USO1: variants seen among roughly 807,000 people sequenced by gnomAD.
The protein encoded by USO1 is USO1 vesicle transport factor.
USO1 carries 57 observed loss-of-function variants against 124.5 expected under a neutral mutation model. The ratio of observed to expected loss-of-function variants is 0.46; its 90% CI spans 0.37 to 0.57. USO1 has a LOEUF of 0.57. USO1 is among the 20% of genes least tolerant of loss of function. USO1 has a pLI of 0.00. For synonymous variants in USO1, 369 were observed against 362.8 expected (o/e 1.02, Z -0.19); for missense variants, 900 against 1,040.6 (o/e 0.86, Z 1.86).
In USO1 at chr4:75,813,212, G is replaced by A; in HGVS notation, c.2806G>A (p.Glu936Lys). 2 of 1,608,506 alleles carry A rather than the reference G, an allele frequency of 1.2e-6. No individual in the cohort carries two copies. Among genetic ancestry groups the A allele is most frequent in the Non-Finnish European group, 1.7e-6 (2 of 1,178,346 alleles). Residue 936 changes from glutamate to lysine, a missense_variant, in exon 24 of 24, where the codon GAA (glutamate) becomes AAA (lysine). Glu to Lys is a moderately conservative substitution (Grantham distance 56). Coordinates refer to ENST00000514213, the MANE Select transcript of USO1 (RefSeq NM_003715.4). ...KLKDLGHPVE[E>K]EDELESGDQE... ...ATACGTCTTTTTCCTCTAGGTTGAA[G>A]AAGAGGATGAACTTGAATCTGGAGA...
At chr4:75,753,780 A>ATTTTT (rs1180101340) in intron 3 of USO1, among the ~76,000 whole-genome samples, 6 of 125,706 alleles carry the variant, frequency 4.8e-5, no homozygotes, top group East Asian at 2.2e-4. Flanking sequence ...AGCTCTTTCA[A>ATTTTT]TTTTTTTTTT....
chr4:75,803,242 A>G (rs1473857442), intron 17 of USO1, among the ~76,000 whole-genome samples: 1 of 152,088 alleles, frequency 6.6e-6, no homozygotes, highest in Non-Finnish European at 1.5e-5. Flanking sequence ...CAATATGGGG[A>G]AATTATGATA....
intron 8 of USO1, 31 bp from the exon 9 acceptor site, chr4:75,782,649 T>A: frequency 6.6e-7 from 1 of 1,523,742 alleles, no homozygotes; most frequent in Non-Finnish European, 8.8e-7. Context: ...TTTACGAGCC[T>A]TAACGCTTGT....
chr4:75,770,200 G>T, intron 4 of USO1: 1 of 268,184 alleles, frequency 3.7e-6, no homozygotes, highest in East Asian at 7.8e-5. Context: ...GAGTATTTAA[G>T]TATCCTTTTT....
At chr4:75,725,181 C>T (rs528843123) in intron 1 of USO1, among the ~76,000 whole-genome samples, 1 of 152,304 alleles carries the variant, frequency 6.6e-6, no homozygotes, top group South Asian at 2.1e-4. Context: ...CGGGAAGGGA[C>T]GGATGCGCGG....
chr4:75,797,839 A>G (rs1722734539), intron 13 of USO1, among the ~76,000 whole-genome samples: 1 of 151,906 alleles, frequency 6.6e-6, no homozygotes, highest in Non-Finnish European at 1.5e-5. Flanking sequence ...ACAGTGTTTC[A>G]CCATGTTCGT....
chr4:75,811,699 T>G (rs1723156103), intron 22 of USO1, among the ~76,000 whole-genome samples: 1 of 152,218 alleles, frequency 6.6e-6, no homozygotes, highest in Admixed American at 6.5e-5. Flanking sequence ...TGTGGCCAAA[T>G]TATTTTATTT....
intron 1 of USO1, among the ~76,000 whole-genome samples, chr4:75,750,110 CT>C (rs1721262533): frequency 6.6e-6 from 1 of 152,098 alleles, no homozygotes; most frequent in African/African-American, 2.4e-5. Flanking sequence ...TGTGGTTTAC[CT>C]TTTCAGTCTC....
At chr4:75,772,736 TC>T (rs1291407781) in intron 7 of USO1, among the ~76,000 whole-genome samples, 1 of 152,036 alleles carries the variant, frequency 6.6e-6, no homozygotes, top group Admixed American at 6.6e-5. Flanking sequence ...AAATTATGTC[TC>T]CCCACATCTT....
intron 7 of USO1, 22 bp from the exon 8 acceptor site, chr4:75,774,654 A>G (rs767704720): frequency 6.8e-7 from 1 of 1,480,472 alleles, no homozygotes; most frequent in Non-Finnish European, 9.2e-7. Context: ...ACTCCACTAA[A>G]CATTCTCTTT....
chr4:75,751,820 G>A (rs944991269), intron 1 of USO1, among the ~76,000 whole-genome samples: 2 of 151,520 alleles, frequency 1.3e-5, no homozygotes, highest in South Asian at 2.1e-4. Flanking sequence ...GGACAAGAGC[G>A]AGACTTCGTC....
intron 13 of USO1, among the ~76,000 whole-genome samples, chr4:75,797,254 T>C (rs1722712132): frequency 6.6e-6 from 1 of 152,088 alleles, no homozygotes. Context: ...CATTTAATTC[T>C]TTGTTCTGTT....
At position 75,787,122 on chromosome 4, in the gene USO1, G is replaced by T. The variant is rs1243981788; in HGVS notation, c.916G>T (p.Ala306Ser). 1 of 1,607,696 alleles carries T rather than the reference G, an allele frequency of 6.2e-7. No homozygotes were observed. Among genetic ancestry groups the T allele is most frequent in the East Asian group, 2.3e-5 (1 of 44,094 alleles). Residue 306 changes from alanine to serine, a missense_variant, in exon 10 of 24, where the codon GCT (alanine) becomes TCT (serine). This residue lies in a region of USO1 where 538 missense variants were observed against 681.6 expected (regional missense o/e 0.79). Transcript: ENST00000514213. ...PPGATSSCQK[A>S]MFQCGLLQQL... ...TGGTGCTACCAGTAGCTGCCAGAAG[G>T]CTATGTTCCAGTGTGGGTTATTGCA...
At position 75,790,152 on chromosome 4, in the gene USO1, C is replaced by T. The variant is rs1161766038; in HGVS notation, c.999C>T (p.Thr333=). The T allele has an allele frequency of 1.1e-5, 18 of 1,597,580 alleles. No homozygotes were observed. Among genetic ancestry groups the T allele is most frequent in the East Asian group, 2.2e-5 (1 of 44,478 alleles). ...TGVPADILTE[T]INTVSEVIRG... ...TTTTTCTTTCTTCCCCTTAACAGAC[C>T]ATAAATACTGTATCAGAAGTTATTC... Residue 333 remains threonine, a splice_region_variant and synonymous_variant, in exon 11 of 24, where the codon ACC becomes ACT. Coordinates refer to ENST00000514213, the MANE Select transcript of USO1 (RefSeq NM_003715.4).
chr4:75,743,507 T>C (rs546550950), intron 1 of USO1, among the ~76,000 whole-genome samples: 60 of 152,078 alleles, frequency 3.9e-4, no homozygotes, highest in African/African-American at 1.3e-3. Context: ...CCTCACTTTC[T>C]GTGTTTGTCT....
At chr4:75,768,953 C>T (rs1721845284) in intron 4 of USO1, among the ~76,000 whole-genome samples, 1 of 152,172 alleles carries the variant, frequency 6.6e-6, no homozygotes, top group Non-Finnish European at 1.5e-5. Context: ...CAAAACTAAA[C>T]TTCTGATTCT....
Position 75,724,800 on chromosome 4 carries a change from C to G in USO1, c.-20C>G. 1.2e-6 allele frequency: 2 copies of G among 1,613,638 alleles called. No individual in the cohort carries two copies. The highest frequency in any genetic ancestry group is 1.1e-5 in the South Asian group (1 of 91,054). ...TTTTTTTTCCGGAGGGGCCGGTAAA[C>G]CTGGTGGCTGAACGGCAAGATGAAT... On this transcript the variant is annotated 5_prime_UTR_variant, in exon 1 of 24. Coordinates refer to ENST00000514213, the MANE Select transcript of USO1 (RefSeq NM_003715.4).
chr4:75,761,510 G>A (rs1721606747), intron 4 of USO1, among the ~76,000 whole-genome samples: 1 of 152,174 alleles, frequency 6.6e-6, no homozygotes, highest in South Asian at 2.1e-4. Flanking sequence ...GAACTGGAAG[G>A]TATTCTAGTT....
intron 9 of USO1, among the ~76,000 whole-genome samples, chr4:75,784,859 G>A (rs528574273): frequency 5.9e-5 from 9 of 151,336 alleles, no homozygotes; most frequent in South Asian, 2.1e-4. Context: ...CAGTATTCTC[G>A]TTATATAACA....
Sources: gnomAD v4.1 joint callset for allele counts (sites outside exome capture counted in the v4.1 genomes callset) on GRCh38, gnomAD v4.1.1 for gene constraint, gnomAD v4.1.1 regional missense constraint, MANE v1.5 for transcripts, NCBI Gene and HGNC (gene_info 2026-07-23, HGNC 2026-07-21) for gene names.